The following RBL2 variants were observed in gnomAD, a reference collection of about 807,000 sequenced individuals.
RBL2 encodes the protein RB transcriptional corepressor like 2.
In RBL2, 56 loss-of-function variants were observed where a neutral mutation model predicts 126.0. The observed-to-expected ratio is 0.44, with a 90% confidence interval of 0.36 to 0.56. The LOEUF is 0.56. Ranked by LOEUF, RBL2 falls within the 20% of genes least tolerant of loss-of-function variation. The pLI is 0.00. For synonymous variants in RBL2, 454 were observed against 478.5 expected, an observed-to-expected ratio of 0.95 and a Z score of 0.67; for missense variants, 1,229 against 1,398.2, an observed-to-expected ratio of 0.88 and a Z score of 1.93.
At position 53,434,729 on chromosome 16, in the gene RBL2, T is replaced by G. The variant is rs748637584; in HGVS notation, c.173T>G (p.Met58Arg). The stretch of plus-strand genomic sequence containing the variant: ...GACGAGCTGTGCAGCCGCCTCAACA[T>G]GGACGAGGCGGCGCGGGCCGAGGCC... ...RFDELCSRLN[M>R]DEAARAEAWD... The change falls in exon 1 of 22, where the codon ATG (methionine) becomes AGG (arginine). Residue 58 changes from methionine (M) to arginine (R), a missense_variant. Coordinates refer to ENST00000262133, the MANE Select transcript of RBL2 (RefSeq NM_005611.4). The G allele has an allele frequency of 6.4e-7, 1 of 1,551,718 alleles. No individual in the cohort carries two copies. Among genetic ancestry groups the G allele is most frequent in the Non-Finnish European group, 8.6e-7 (1 of 1,158,360 alleles).
At position 53,465,506 on chromosome 16, in the gene RBL2, T is replaced by G. The variant is rs148475258; in HGVS notation, c.1767T>G (p.Ile589Met). The change falls in exon 13 of 22, where the codon ATT becomes ATG. Residue 589 changes from isoleucine (I) to methionine (M), a missense_variant. Ile to Met is a conservative substitution (Grantham distance 10). Around this residue, in one of 2 missense-constraint regions of RBL2, gnomAD observed 1,070 missense variants for 1,274.3 expected, o/e 0.84. Coordinates refer to ENST00000262133, the MANE Select transcript of RBL2 (RefSeq NM_005611.4). ...CREVVKHLNQ[I>M]EEQILDHLAW... is the part of the protein sequence containing the mutation. ...AGGTGGTAAAACACCTTAATCAGAT[T>G]GAAGAACAGATCTTAGATCATTTGG... is the stretch of plus-strand genomic sequence containing the variant. The G allele has an allele frequency of 1.6e-4, 253 of 1,606,014 alleles. No homozygotes were observed. The highest frequency in any genetic ancestry group is 2.1e-4 in the Non-Finnish European group (247 of 1,176,502).
At chr16:53,436,026 C>T (rs887160928) in intron 1 of RBL2, among the ~76,000 whole-genome samples, 8 of 152,170 alleles carry the variant, frequency 5.3e-5, no homozygotes, top group Non-Finnish European at 1.0e-4. Context: ...ATAAAGCACC[C>T]ATATGGACAG....
At chr16:53,454,934 T>G in intron 8 of RBL2, 92 bp downstream of exon 8, 1 of 1,121,080 alleles carries the variant, frequency 8.9e-7, no homozygotes, top group Non-Finnish European at 1.2e-6. Context: ...TGTGTTTTAC[T>G]TGCCTACAGT....
chr16:53,468,538 A>G (rs1802901174), intron 14 of RBL2, among the ~76,000 whole-genome samples: 1 of 152,222 alleles, frequency 6.6e-6, no homozygotes, highest in Admixed American at 6.5e-5. Flanking sequence ...ACTTGACTTT[A>G]AACTTCATTT....
intron 17 of RBL2, among the ~76,000 whole-genome samples, chr16:53,478,087 A>G (rs1177594657): frequency 6.6e-6 from 1 of 152,162 alleles, no homozygotes. Flanking sequence ...AGAGATAAAA[A>G]TCTTGAGTAA....
At position 53,455,524 on chromosome 16, in the gene RBL2, C is replaced by T. The variant is rs140708050; in HGVS notation, c.1179+682C>T. On this transcript the variant is annotated intron_variant, in intron 8 of 21. Coordinates refer to ENST00000262133, the MANE Select transcript of RBL2 (RefSeq NM_005611.4). Reference sequence around the variant, plus strand: ...GATAAAGCAGTGAACAAAATAACCACGAGAACCCTGTTCTAAAGAAGCTTA... The same window carrying T: ...GATAAAGCAGTGAACAAAATAACCATGAGAACCCTGTTCTAAAGAAGCTTA... 4.3e-3 allele frequency among the ~76,000 whole-genome samples: 649 copies of T among 152,220 alleles called. 1 individual carries two copies. Among genetic ancestry groups the T allele is most frequent in the Non-Finnish European group, 7.2e-3 (488 of 68,020 alleles).
rs151145364 is a variant in RBL2 at position 53,451,521 on chromosome 16, T to G, written c.638-182T>G. Among the ~76,000 whole-genome samples, 699 of 152,122 alleles carry G rather than the reference T, an allele frequency of 4.6e-3. 2 individuals are homozygous for G. The highest frequency in any genetic ancestry group is 0.016 in the African/African-American group (659 of 41,496). The stretch of plus-strand genomic sequence containing the variant: ...ACTCTGTCTCTTAAAAATAAATAAA[T>G]AAAGAAATTTATTAAGATATAAGAG... On this transcript the variant is annotated intron_variant, in intron 4 of 21. Transcript: ENST00000262133.
chr16:53,468,422 A>G (rs1211059386), intron 14 of RBL2, among the ~76,000 whole-genome samples: 1 of 152,120 alleles, frequency 6.6e-6, no homozygotes, highest in African/African-American at 2.4e-5. Flanking sequence ...CTTAATACAC[A>G]TGGATGATCC....
chr16:53,468,597 A>T (rs149898047), intron 14 of RBL2, among the ~76,000 whole-genome samples: 28 of 152,246 alleles, frequency 1.8e-4, no homozygotes, highest in African/African-American at 6.7e-4. Flanking sequence ...TTGATATTTT[A>T]TAAGAAAAAA....
chr16:53,474,254 G>A (rs1044390490), intron 17 of RBL2, among the ~76,000 whole-genome samples: 8 of 151,790 alleles, frequency 5.3e-5, no homozygotes, highest in African/African-American at 1.9e-4. Context: ...GCCTCCCAAT[G>A]TGTTGGGATT....
At chr16:53,467,822 A>T (rs2058286167) in intron 14 of RBL2, among the ~76,000 whole-genome samples, 1 of 152,260 alleles carries the variant, frequency 6.6e-6, no homozygotes, top group Non-Finnish European at 1.5e-5. Context: ...TTTCTGTAAA[A>T]TTTTTAAGGC....
At chr16:53,478,411 C>A (rs577747695) in intron 17 of RBL2, among the ~76,000 whole-genome samples, 3 of 151,914 alleles carry the variant, frequency 2.0e-5, no homozygotes, top group Admixed American at 6.6e-5. Flanking sequence ...CTGCTTCTTT[C>A]TCTCCTCTCC....
chr16:53,462,345 A>G (rs1436108007), intron 10 of RBL2, among the ~76,000 whole-genome samples: 2 of 152,206 alleles, frequency 1.3e-5, no homozygotes, highest in African/African-American at 4.8e-5. Flanking sequence ...TGCAAATTTC[A>G]TTTAATAATT....
intron 13 of RBL2, among the ~76,000 whole-genome samples, chr16:53,466,310 A>G (rs1224690765): frequency 1.3e-5 from 2 of 152,092 alleles, no homozygotes; most frequent in South Asian, 2.1e-4. Flanking sequence ...GGCACCAAGG[A>G]CCAGTTTCAT....
intron 21 of RBL2, among the ~76,000 whole-genome samples, chr16:53,485,314 G>C (rs1473224092): frequency 1.3e-5 from 2 of 152,036 alleles, no homozygotes; most frequent in African/African-American, 4.8e-5. Flanking sequence ...TATTTCTATT[G>C]GTTAAAGAAA....
In RBL2 at chr16:53,479,197, A is replaced by G; in HGVS notation, c.2747A>G (p.Tyr916Cys). 3 of 1,613,988 alleles carry G rather than the reference A, an allele frequency of 1.9e-6. No individual in the cohort carries two copies. The highest frequency in any genetic ancestry group is 2.5e-6 in the Non-Finnish European group (3 of 1,179,888). The change falls in exon 18 of 22, where the codon TAT (tyrosine) becomes TGT (cysteine). Residue 916 changes from tyrosine (Y) to cysteine (C), a missense_variant. Tyr to Cys is a radical substitution (Grantham distance 194, BLOSUM62 -2). Transcript: ENST00000262133. ...TCCTTCCAGAACATTATGCGTTGTT[A>G]TAGGACTCAGCCGCAGGCCCGGAGC... is the stretch of plus-strand genomic sequence containing the variant. Reference protein sequence around the residue: ...DKSFQNIMRCYRTQPQARSQV... With the variant: ...DKSFQNIMRCCRTQPQARSQV...
Position 53,480,943 on chromosome 16 carries a change from G to A in RBL2, c.3084+174G>A, listed in dbSNP as rs1008546606. 1.3e-5 allele frequency: 7 copies of A among 556,248 alleles called. No homozygotes were observed. In the African/African-American group the frequency reaches 1.3e-4, roughly 11 times the overall value. The allele number at this position is 556,248 out of a possible 1,614,324, so 34.5% of individuals were successfully genotyped here. ...GGAGGCCGAGGAGGGCAGATCACTTGAGGTCAGGAGTTCAAGACCAGCCTG... is the reference window on the plus strand; with the variant it reads ...GGAGGCCGAGGAGGGCAGATCACTTAAGGTCAGGAGTTCAAGACCAGCCTG... On this transcript the variant is annotated intron_variant, in intron 20 of 21. Coordinates refer to ENST00000262133, the MANE Select transcript of RBL2 (RefSeq NM_005611.4).
intron 3 of RBL2, among the ~76,000 whole-genome samples, chr16:53,446,824 G>T (rs1247076975): frequency 6.6e-6 from 1 of 152,042 alleles, no homozygotes; most frequent in Non-Finnish European, 1.5e-5. Context: ...AATTCTTTAA[G>T]AATTTTCTTT....
intron 17 of RBL2, among the ~76,000 whole-genome samples, chr16:53,475,440 T>A (rs1403076362): frequency 6.6e-6 from 1 of 152,234 alleles, no homozygotes; most frequent in East Asian, 1.9e-4. Context: ...GGTCTCAAAC[T>A]CTTGGCCTCA....
Sources: gnomAD v4.1 joint callset for allele counts (sites outside exome capture counted in the v4.1 genomes callset) on GRCh38, gnomAD v4.1.1 for gene constraint, gnomAD v4.1.1 regional missense constraint, MANE v1.5 for transcripts, NCBI Gene and HGNC (gene_info 2026-07-23, HGNC 2026-07-21) for gene names.